PLCB1: variants seen among roughly 807,000 people sequenced by gnomAD.
PLCB1 encodes the protein 1-phosphatidylinositol 4,5-bisphosphate phosphodiesterase beta-1.
In PLCB1, 46 loss-of-function variants were observed where a neutral mutation model predicts 161.8. The observed-to-expected ratio is 0.28, with a 90% CI of 0.22 to 0.36. PLCB1 has a LOEUF of 0.36. Among genes scored for constraint, PLCB1 ranks in the 10% least tolerant of loss-of-function variants. The pLI is 1.00. For synonymous variants in PLCB1, 517 were observed against 503.7 expected (o/e 1.03, Z -0.35); for missense variants, 1,016 against 1,472.5 (o/e 0.69, Z 5.07).
rs560474607 is a variant in PLCB1 at position 8,874,939 on chromosome 20, AAGTGTC to A, written c.3424-6681_3424-6676del. Among the ~76,000 whole-genome samples, 15 of 152,042 alleles carry A rather than the reference AAGTGTC, an allele frequency of 9.9e-5. No individual in the cohort carries two copies. The South Asian group carries it at 2.7e-3, about 27-fold the overall frequency. On this transcript the variant is annotated intron_variant, in intron 31 of 31. Transcript: ENST00000338037. ...TGTCAAATTATTGCCCAATGTTTCA[AAGTGTC>A]AATTTCTCAGAATGTTATTGCTTCT...
intron 3 of PLCB1, among the ~76,000 whole-genome samples, chr20:8,561,329 A>G (rs1214264842): frequency 6.6e-6 from 1 of 151,984 alleles, no homozygotes; most frequent in African/African-American, 2.4e-5. Context: ...TATGAACCGT[A>G]TAACTAAGTT....
intron 3 of PLCB1, among the ~76,000 whole-genome samples, chr20:8,439,121 G>A (rs1980436841): frequency 6.6e-6 from 1 of 152,202 alleles, no homozygotes; most frequent in Non-Finnish European, 1.5e-5. Context: ...TTTACAGAGT[G>A]GAGATTCAGT....
chr20:8,643,945 C>T (rs1989049474), intron 4 of PLCB1, among the ~76,000 whole-genome samples: 1 of 152,224 alleles, frequency 6.6e-6, no homozygotes, highest in Non-Finnish European at 1.5e-5. Flanking sequence ...CAGGCGCGCG[C>T]CGCCACGCCT....
intron 31 of PLCB1, among the ~76,000 whole-genome samples, chr20:8,875,306 T>C (rs911411203): frequency 2.0e-5 from 3 of 150,228 alleles, no homozygotes; most frequent in Admixed American, 6.6e-5. Context: ...ATTATACTTT[T>C]GGCACATTCT....
intron 20 of PLCB1, among the ~76,000 whole-genome samples, chr20:8,738,348 T>C (rs1051433780): frequency 2.6e-5 from 4 of 152,206 alleles, no homozygotes; most frequent in Non-Finnish European, 5.9e-5. Flanking sequence ...CCAGCACCTG[T>C]TGTTTCCTGA....
chr20:8,628,053 A>C (rs1988411943), intron 3 of PLCB1, among the ~76,000 whole-genome samples: 1 of 152,234 alleles, frequency 6.6e-6, no homozygotes. Context: ...AGGATCACAG[A>C]AAGAGCACTT....
chr20:8,254,707 A>C (rs2123229869), intron 2 of PLCB1, among the ~76,000 whole-genome samples: 1 of 152,158 alleles, frequency 6.6e-6, no homozygotes, highest in South Asian at 2.1e-4. Flanking sequence ...GCTACGAGGC[A>C]CTTTTTGTTT....
rs10604975 is a variant in PLCB1, at chr20:8,180,938, A to AGTGT, written c.177+30596_177+30599dup. 7.1e-3 allele frequency among the ~76,000 whole-genome samples: 1,060 copies of AGTGT among 149,720 alleles called. 11 individuals carry two copies. Among genetic ancestry groups the AGTGT allele is most frequent in the South Asian group, 0.049 (228 of 4,690 alleles). ...TTTTTTCATACATTCATAATGTAAA[A>AGTGT]GTGTGTGTGTGTGTGTGTGTGTGTG... On this transcript the variant is annotated intron_variant, in intron 2 of 31. Transcript: ENST00000338037.
intron 2 of PLCB1, among the ~76,000 whole-genome samples, chr20:8,353,047 CT>C (rs1204817182): frequency 1.3e-5 from 2 of 152,106 alleles, no homozygotes; most frequent in African/African-American, 4.8e-5. Context: ...AACCAGCCCC[CT>C]GAACTTGGTT....
chr20:8,647,792 T>G, intron 5 of PLCB1, 108 bp from the exon 6 acceptor site: 2 of 825,368 alleles, frequency 2.4e-6, no homozygotes, highest in Non-Finnish European at 2.0e-6. Flanking sequence ...TTTGTGGAAA[T>G]TCAGCAAAAT....
intron 3 of PLCB1, among the ~76,000 whole-genome samples, chr20:8,570,940 A>T (rs1298117424): frequency 6.6e-6 from 1 of 152,196 alleles, no homozygotes; most frequent in African/African-American, 2.4e-5. Context: ...GCTCATTAGT[A>T]CAAAAGGGCT....
At chr20:8,274,976 A>T (rs1251870640) in intron 2 of PLCB1, among the ~76,000 whole-genome samples, 1 of 151,970 alleles carries the variant, frequency 6.6e-6, no homozygotes, top group Non-Finnish European at 1.5e-5. Context: ...GCCCTTTTTT[A>T]AAAATCTTGC....
At chr20:8,753,932 A>G (rs1017165376) in intron 23 of PLCB1, among the ~76,000 whole-genome samples, 9 of 152,090 alleles carry the variant, frequency 5.9e-5, no homozygotes, top group African/African-American at 9.7e-5. Flanking sequence ...CTAACTGCCT[A>G]TTACTCTACA....
In PLCB1 at chr20:8,477,780, A is replaced by G. The variant is rs562250011; in HGVS notation, c.246+106330A>G. On this transcript the variant is annotated intron_variant, in intron 3 of 31. Coordinates refer to ENST00000338037, the MANE Select transcript of PLCB1 (RefSeq NM_015192.4). ...ATTGTGCAAGAACTCACTCATCACC[A>G]GGGCGATGGCGCCAAGACAGTCATG... Among the ~76,000 whole-genome samples the G allele has an allele frequency of 5.3e-5, 8 of 152,356 alleles. No homozygotes were observed. The South Asian group carries it at 1.7e-3, about 32-fold the overall frequency.
intron 31 of PLCB1, among the ~76,000 whole-genome samples, chr20:8,842,292 T>C (rs1217563863): frequency 6.6e-6 from 1 of 152,222 alleles, no homozygotes; most frequent in African/African-American, 2.4e-5. Flanking sequence ...TGTCTACCTT[T>C]TATCAAATAA....
chr20:8,658,757 G>C, intron 9 of PLCB1, 53 bp downstream of exon 9: 1 of 1,455,434 alleles, frequency 6.9e-7, no homozygotes, highest in Non-Finnish European at 9.3e-7. Context: ...ATTGGGGGTA[G>C]TCACACGCTG....
chr20:8,340,092 T>C (rs1297280110), intron 2 of PLCB1, among the ~76,000 whole-genome samples: 15 of 152,256 alleles, frequency 9.9e-5, no homozygotes. Flanking sequence ...TTGTACTTCC[T>C]ACATATGATT....
intron 2 of PLCB1, among the ~76,000 whole-genome samples, chr20:8,301,479 T>C (rs752523856): frequency 6.6e-6 from 1 of 152,136 alleles, no homozygotes; most frequent in Admixed American, 6.5e-5. Flanking sequence ...TCAAGGGGAT[T>C]ATAAATCCAA....
intron 2 of PLCB1, among the ~76,000 whole-genome samples, chr20:8,203,020 T>C (rs574825894): frequency 6.6e-6 from 1 of 151,964 alleles, no homozygotes. Flanking sequence ...ACGTGGCAAG[T>C]AGTGAGTAGT....
Sources: gnomAD v4.1 joint callset for allele counts (sites outside exome capture counted in the v4.1 genomes callset) on GRCh38, gnomAD v4.1.1 for gene constraint, MANE v1.5 for transcripts, NCBI Gene and HGNC (gene_info 2026-07-23, HGNC 2026-07-21) for gene names.